CCDC138: variants seen among roughly 807,000 people sequenced by gnomAD.
CCDC138 encodes the protein coiled-coil domain containing 138.
A neutral mutation model predicts 82.3 loss-of-function variants in CCDC138; 66 were observed. The ratio of observed to expected loss-of-function variants is 0.80; its 90% CI spans 0.66 to 0.98. The LOEUF (loss-of-function observed/expected upper bound fraction) is 0.98, where lower values mean the gene tolerates loss of function less well. CCDC138 is among the 50% of genes least tolerant of loss of function. The pLI is 0.00. For missense variants in CCDC138, 816 were observed against 758.9 expected, an observed-to-expected ratio of 1.08 and a Z score of -0.88; for synonymous variants, 297 against 265.4, an observed-to-expected ratio of 1.12 and a Z score of -1.16.
intron 13 of CCDC138, among the ~76,000 whole-genome samples, chr2:108,872,302 A>G (rs1262476129): frequency 6.6e-6 from 1 of 152,082 alleles, no homozygotes; most frequent in African/African-American, 2.4e-5. Context: ...GAATACATTC[A>G]TTCCATCCCA....
intron 10 of CCDC138, among the ~76,000 whole-genome samples, chr2:108,818,755 A>G (rs1033122029): frequency 7.9e-5 from 12 of 152,072 alleles, no homozygotes; most frequent in African/African-American, 2.7e-4. Context: ...TTCTAAGAAT[A>G]CTAGTATAAC....
chr2:108,817,139 A>G (rs1449624913), intron 10 of CCDC138, among the ~76,000 whole-genome samples: 2 of 152,226 alleles, frequency 1.3e-5, no homozygotes, highest in African/African-American at 4.8e-5. Context: ...ACCTTAAAAT[A>G]GGGAGGTTAT....
chr2:108,864,403 C>G (rs1458187158), intron 13 of CCDC138, among the ~76,000 whole-genome samples: 1 of 152,148 alleles, frequency 6.6e-6, no homozygotes, highest in African/African-American at 2.4e-5. Context: ...TGGCCTATGC[C>G]TGTAATTTCA....
chr2:108,845,691 C>A (rs1360105857), intron 11 of CCDC138, among the ~76,000 whole-genome samples: 1 of 151,766 alleles, frequency 6.6e-6, no homozygotes, highest in African/African-American at 2.4e-5. Context: ...CCTGTCTCAG[C>A]CTCCCAAGTA....
intron 6 of CCDC138, 50 bp from the exon 7 acceptor site, chr2:108,804,839 T>A (rs1177595646): frequency 1.2e-5 from 17 of 1,428,444 alleles, no homozygotes; most frequent in Non-Finnish European, 1.6e-5. Flanking sequence ...GTATTAGTGA[T>A]ATACAGTCCT....
At chr2:108,845,414 T>C (rs1574192536) in intron 11 of CCDC138, among the ~76,000 whole-genome samples, 2 of 152,144 alleles carry the variant, frequency 1.3e-5, no homozygotes, top group East Asian at 3.8e-4. Context: ...AGGAACCAGT[T>C]GGTCACAAAT....
In CCDC138 at chr2:108,788,206, G is replaced by T. The variant is rs528163226; in HGVS notation, c.151+117G>T. 163 of 1,012,316 alleles carry T rather than the reference G, an allele frequency of 1.6e-4. No individual in the cohort carries two copies. The African/African-American group carries it at 2.1e-3, about 13-fold the overall frequency. The allele number at this position is 1,012,316 out of a possible 1,614,324, so 62.7% of individuals were successfully genotyped here. On this transcript the variant is annotated intron_variant, in intron 2 of 14. Transcript: ENST00000295124. ...GGCCGAGGCAGGCGAATCACCTGAG[G>T]TCAGGAGTTCGAGACCACTCAGGCC... is the stretch of plus-strand genomic sequence containing the variant.
At chr2:108,859,221 A>G (rs1048440555) in intron 13 of CCDC138, among the ~76,000 whole-genome samples, 7 of 152,130 alleles carry the variant, frequency 4.6e-5, no homozygotes, top group Non-Finnish European at 1.0e-4. Context: ...GTATCTGTTC[A>G]TGTCCTTTGC....
intron 7 of CCDC138, among the ~76,000 whole-genome samples, chr2:108,805,427 T>C (rs1573985906): frequency 6.6e-6 from 1 of 152,270 alleles, no homozygotes; most frequent in East Asian, 1.9e-4. Context: ...AGTATACTTA[T>C]TTATATAAGT....
At chr2:108,861,009 G>A (rs952643905) in intron 13 of CCDC138, among the ~76,000 whole-genome samples, 1 of 125,446 alleles carries the variant, frequency 8.0e-6, no homozygotes, top group African/African-American at 3.0e-5. Context: ...GCTCAATACT[G>A]GTCTGTTCAG....
At chr2:108,857,654 AC>A (rs1181289376) in intron 13 of CCDC138, among the ~76,000 whole-genome samples, 2 of 152,232 alleles carry the variant, frequency 1.3e-5, no homozygotes, top group Non-Finnish European at 2.9e-5. Flanking sequence ...TATTGGACTT[AC>A]AGTTGATGAC....
intron 1 of CCDC138, chr2:108,882,391 C>T (rs1696317719): frequency 6.6e-6 from 1 of 152,132 alleles, no homozygotes; most frequent in African/African-American, 2.4e-5. Context: ...TTAGGTATGC[C>T]TGTATGGAAA....
At position 108,798,515 on chromosome 2, in the gene CCDC138, CATGAAA is replaced by C; in HGVS notation, c.668_673del (p.Glu223_Asn224del). ...TGAAAGAGAACAACTGCTTTTCAGA[CATGAAA>C]ATGCCTTGAGTAAAATTAAAGGTGT... On this transcript the variant is annotated inframe_deletion, in exon 6 of 15. Transcript: ENST00000295124. 1 of 1,613,774 alleles carries C rather than the reference CATGAAA, an allele frequency of 6.2e-7. No homozygotes were observed. Among genetic ancestry groups the C allele is most frequent in the Non-Finnish European group, 8.5e-7 (1 of 1,179,806 alleles).
chr2:108,832,344 C>CTT (rs1179620383), intron 10 of CCDC138, among the ~76,000 whole-genome samples: 81 of 122,212 alleles, frequency 6.6e-4, no homozygotes, highest in Non-Finnish European at 1.1e-3. Context: ...GTATTTCTTT[C>CTT]TTTTTTTTTT....
At chr2:108,857,089 T>C in intron 13 of CCDC138, 119 bp downstream of exon 13, 1 of 533,118 alleles carries the variant, frequency 1.9e-6, no homozygotes, top group Non-Finnish European at 3.0e-6. Context: ...TTTTTTTTTT[T>C]TTTTTTTTGA....
intron 7 of CCDC138, among the ~76,000 whole-genome samples, chr2:108,809,475 TG>T (rs1436597236): frequency 1.1e-4 from 16 of 152,070 alleles, no homozygotes; most frequent in African/African-American, 3.4e-4. Flanking sequence ...TGTGTGTGTG[TG>T]TGTGTGTGTG....
At chr2:108,863,061 T>C (rs889144207) in intron 13 of CCDC138, among the ~76,000 whole-genome samples, 1 of 152,240 alleles carries the variant, frequency 6.6e-6, no homozygotes, top group African/African-American at 2.4e-5. Context: ...TATTGTTTAG[T>C]TGCAATATTA....
chr2:108,791,508 AC>A (rs752077063), intron 3 of CCDC138, 166 bp from the exon 4 acceptor site: 2 of 723,860 alleles, frequency 2.8e-6, no homozygotes, highest in South Asian at 2.9e-5. Flanking sequence ...ATGATCAGTG[AC>A]TGTTAGTTTT....
intron 11 of CCDC138, among the ~76,000 whole-genome samples, chr2:108,841,834 GCTTT>G (rs1232106930): frequency 6.6e-6 from 1 of 151,460 alleles, no homozygotes; most frequent in African/African-American, 2.4e-5. Context: ...TCATTTTTCT[GCTTT>G]CTTATGGGTT....
Sources: allele counts gnomAD v4.1 joint callset (sites outside exome capture counted in the v4.1 genomes callset), GRCh38; gene constraint gnomAD v4.1.1; transcripts MANE v1.5; gene names NCBI Gene and HGNC (gene_info 2026-07-23, HGNC 2026-07-21).